The following ZNF519 variants were observed in gnomAD, a reference collection of about 807,000 sequenced individuals.
ZNF519 encodes similar to Zinc finger protein 85 (Zinc finger protein HPF4) (HTF1).
Under a neutral mutation model 7.4 loss-of-function variants are expected in ZNF519, and 7 were observed. The observed-to-expected ratio is 0.94, with a 90% CI of 0.54 to 1.77. The LOEUF is 1.77. Ranked by LOEUF, ZNF519 falls within the 40% of genes most tolerant of loss-of-function variation. ZNF519 has a pLI of 0.00. For missense variants in ZNF519, 586 were observed against 623.1 expected (o/e 0.94, Z 0.63); for synonymous variants, 179 against 203.3 (o/e 0.88, Z 1.02).
chr18:14,104,920 C>T lies in ZNF519; in HGVS notation c.1620G>A (p.Arg540=). The change falls in exon 3 of 3, where the codon AGG becomes AGA. Residue 540 remains arginine (R), a synonymous_variant. Coordinates refer to ENST00000590202, the MANE Select transcript of ZNF519 (RefSeq NM_145287.4). ...TLTQHQIIHT[R] The stretch of plus-strand genomic sequence containing the variant: ...ATTCTTTACACTTGCAGGGTTTCTA[C>T]CTGGTATGAATTATTTGATGTTGAG... The T allele has an allele frequency of 1.3e-6, 2 of 1,536,872 alleles. No homozygotes were observed. Among genetic ancestry groups the T allele is most frequent in the African/African-American group, 1.4e-5 (1 of 72,290 alleles).
chr18:14,111,101 C>A (rs931241293), intron 2 of ZNF519, among the ~76,000 whole-genome samples: 1 of 116,246 alleles, frequency 8.6e-6, no homozygotes, highest in African/African-American at 3.2e-5. Context: ...TAATAAAGAT[C>A]AAAGCAGAAA....
chr18:14,105,992 C>T lies in ZNF519; in HGVS notation c.548G>A (p.Cys183Tyr). 1 of 1,583,536 alleles carries T rather than the reference C, an allele frequency of 6.3e-7. No individual in the cohort carries two copies. Among genetic ancestry groups the T allele is most frequent in the Non-Finnish European group, 8.6e-7 (1 of 1,161,154 alleles). Residue 183 changes from cysteine (C) to tyrosine (Y), a missense_variant, in exon 3 of 3, where the codon TGT (cysteine) becomes TAT (tyrosine). Coordinates refer to ENST00000590202, the MANE Select transcript of ZNF519 (RefSeq NM_145287.4). ...STHFLENYYN[C>Y]NECEKVFYQS... The stretch of plus-strand genomic sequence containing the variant: ...GTAAAATACTTTTTCACATTCATTA[C>T]AATTGTAATAGTTTTCTAGAAAATG...
chr18:14,126,899 G>A (rs4603628), intron 1 of ZNF519, among the ~76,000 whole-genome samples: 26,230 of 152,112 alleles, frequency 0.17, 2,792 homozygotes, highest in Middle Eastern at 0.23. Context: ...TGGTGAGAGC[G>A]TCCCCAGTGA....
chr18:14,113,791 A>G (rs1598519036), intron 2 of ZNF519, among the ~76,000 whole-genome samples: 1 of 150,440 alleles, frequency 6.6e-6, no homozygotes, highest in Admixed American at 6.6e-5. Flanking sequence ...TTCTCCACAT[A>G]CTCACCAGCA....
intron 2 of ZNF519, chr18:14,090,798 C>T (rs1431143466): frequency 6.6e-6 from 1 of 152,214 alleles, no homozygotes; most frequent in Non-Finnish European, 1.5e-5. Flanking sequence ...GAAAGTTTCT[C>T]AGAAAGTTTG....
chr18:14,114,020 T>C (rs1343947359), intron 2 of ZNF519, among the ~76,000 whole-genome samples: 1 of 152,198 alleles, frequency 6.6e-6, no homozygotes, highest in African/African-American at 2.4e-5. Flanking sequence ...TTGTGTGCCT[T>C]ACATAATCTG....
Position 14,105,439 on chromosome 18 carries a change from CT to C in ZNF519, c.1100del (p.Gln367ArgfsTer170). The C allele has an allele frequency of 6.2e-7, 1 of 1,613,052 alleles. No homozygotes were observed. The highest frequency in any genetic ancestry group is 8.5e-7 in the Non-Finnish European group (1 of 1,179,792). ...AAGGTTTCTCTCCGGTATGGATTCT[CT>C]GGTGTTGAGTAAGGTATGACCCCCT... ...FNRGSYLTQH[Q>X]RIHTGEKPFR... On this transcript the variant is annotated frameshift_variant, in exon 3 of 3. Coordinates refer to ENST00000590202, the MANE Select transcript of ZNF519 (RefSeq NM_145287.4). LOFTEE classifies it low-confidence loss of function (END_TRUNC).
At chr18:14,126,969 G>A (rs913692364) in intron 1 of ZNF519, among the ~76,000 whole-genome samples, 1 of 152,134 alleles carries the variant, frequency 6.6e-6, no homozygotes, top group Non-Finnish European at 1.5e-5. Flanking sequence ...TTTGTGGGGT[G>A]CAAATATTAT....
Position 14,110,445 on chromosome 18 carries a change from G to A in ZNF519, c.131-4036C>T, listed in dbSNP as rs115596674. Among the ~76,000 whole-genome samples the A allele has an allele frequency of 5.9e-3, 897 of 151,952 alleles. 7 individuals carry two copies. The highest frequency in any genetic ancestry group is 0.02 in the African/African-American group (818 of 41,426). ...GTAGCAGAAAATATTTGCAAACTAC[G>A]CACAAAAAGCTAGTATCCAGAATCT... On this transcript the variant is annotated intron_variant, in intron 2 of 2. Coordinates refer to ENST00000590202, the MANE Select transcript of ZNF519 (RefSeq NM_145287.4).
intron 3 of ZNF519, among the ~76,000 whole-genome samples, chr18:14,079,662 G>A (rs970549695): frequency 1.3e-5 from 2 of 152,164 alleles, no homozygotes; most frequent in Admixed American, 6.5e-5. Flanking sequence ...ATGTAGCTAA[G>A]ATAGCCTCTT....
intron 3 of ZNF519, chr18:14,084,055 A>C (rs1039492399): frequency 2.6e-5 from 4 of 152,128 alleles, no homozygotes; most frequent in Non-Finnish European, 5.9e-5. Context: ...AGTGACATGG[A>C]GATGGGAGGG....
Position 14,105,243 on chromosome 18 carries a change from TG to T in ZNF519, c.1296del (p.Phe432LeufsTer105). 1 of 1,571,718 alleles carries T rather than the reference TG, an allele frequency of 6.4e-7. No individual in the cohort carries two copies. Among genetic ancestry groups the T allele is most frequent in the Non-Finnish European group, 8.7e-7 (1 of 1,145,398 alleles). ...AAGGCTTTGCCACATTCTTTACATT[TG>T]AAGTGTTTCTCTCCAGTATGGATTC... ...HQRIHTGEKH[F>X]KCKECGKAFN... is the part of the protein sequence containing the mutation. On this transcript the variant is annotated frameshift_variant, in exon 3 of 3. Coordinates refer to ENST00000590202, the MANE Select transcript of ZNF519 (RefSeq NM_145287.4). LOFTEE classifies it low-confidence loss of function (END_TRUNC).
intron 2 of ZNF519, among the ~76,000 whole-genome samples, chr18:14,091,415 G>T (rs1402352311): frequency 6.6e-6 from 1 of 152,102 alleles, no homozygotes; most frequent in Non-Finnish European, 1.5e-5. Flanking sequence ...TTTCCACAAT[G>T]AGTATCTTTA....
At chr18:14,078,019 C>T (rs770069730) in intron 4 of ZNF519, among the ~76,000 whole-genome samples, 10 of 152,186 alleles carry the variant, frequency 6.6e-5, no homozygotes, top group East Asian at 1.9e-4. Context: ...GAGATGGTTT[C>T]GGGATAAAAC....
chr18:14,105,054 C>A lies in ZNF519; in HGVS notation c.1486G>T (p.Ala496Ser), dbSNP rs1341198397. The change falls in exon 3 of 3, where the codon GCT becomes TCT. Residue 496 changes from alanine (A) to serine (S), a missense_variant. By Grantham distance (99) the Ala-to-Ser change is moderately conservative. Transcript: ENST00000590202. ...KFFKCKECGK[A>S]FTRSSHLTQH... ...GTAAGGTGTGAGCTCCTGGTAAAAG[C>A]TTTGCCACATTCTTTACATTTGAAG... is the stretch of plus-strand genomic sequence containing the variant. The A allele has an allele frequency of 1.2e-6, 2 of 1,610,932 alleles. No individual in the cohort carries two copies. Among genetic ancestry groups the A allele is most frequent in the South Asian group, 2.2e-5 (2 of 90,646 alleles).
At chr18:14,088,302 T>C (rs1404044309) in intron 2 of ZNF519, among the ~76,000 whole-genome samples, 1 of 152,170 alleles carries the variant, frequency 6.6e-6, no homozygotes, top group Non-Finnish European at 1.5e-5. Context: ...CTTCATCACA[T>C]ATAAAAAGCT....
rs143678021 is a variant in ZNF519 at position 14,105,745 on chromosome 18, C to A, written c.795G>T (p.Val265=). 6.8e-6 allele frequency: 11 copies of A among 1,613,696 alleles called. No individual in the cohort carries two copies. The highest frequency in any genetic ancestry group is 9.3e-6 in the Non-Finnish European group (11 of 1,179,934). The change falls in exon 3 of 3, where the codon GTG becomes GTT. Residue 265 remains valine, a synonymous_variant. Coordinates refer to ENST00000590202, the MANE Select transcript of ZNF519 (RefSeq NM_145287.4). ...AAGCTTTGCCACGTTCTTTATATTT[C>A]ACTGATTTTTCTCCAGTGTTAATTA... The part of the protein sequence containing the change: ...HKIINTGEKS[V]KYKERGKAFT...
rs182760951 is a variant in ZNF519 at position 14,128,469 on chromosome 18, A to G, written c.3+3806T>C. ...CCATTTGTCATACACAGCTTATTAT[A>G]ATTTGGGCTGTCATCTGGGTTTTCT... is the stretch of plus-strand genomic sequence containing the variant. On this transcript the variant is annotated intron_variant, in intron 1 of 2. Transcript: ENST00000590202. Among the ~76,000 whole-genome samples, 283 of 152,306 alleles carry G rather than the reference A, an allele frequency of 1.9e-3. 3 individuals are homozygous for G. The highest frequency in any genetic ancestry group is 6.5e-3 in the African/African-American group (270 of 41,550).
downstream of ZNF519, among the ~76,000 whole-genome samples, chr18:14,098,774 C>T (rs1164301919): frequency 6.6e-6 from 1 of 152,138 alleles, no homozygotes; most frequent in Non-Finnish European, 1.5e-5. Context: ...AACCTCGGGA[C>T]CTATTTATCC....
Sources: gnomAD v4.1 joint callset for allele counts (sites outside exome capture counted in the v4.1 genomes callset) on GRCh38, gnomAD v4.1.1 for gene constraint, MANE v1.5 for transcripts, NCBI Gene and HGNC (gene_info 2026-07-23, HGNC 2026-07-21) for gene names.